CNTNAP2: variants seen among roughly 807,000 people sequenced by gnomAD.
CNTNAP2 encodes contactin-associated protein-like 2.
In CNTNAP2, 98 loss-of-function variants were observed where a neutral mutation model predicts 155.2. The ratio of observed to expected loss-of-function variants is 0.63; its 90% CI spans 0.54 to 0.75. CNTNAP2 has a LOEUF of 0.75. CNTNAP2 is among the 30% of genes least tolerant of loss of function. The pLI is 0.00. For synonymous variants in CNTNAP2, 651 were observed against 631.2 expected (o/e 1.03, Z -0.47); for missense variants, 1,727 against 1,688.1 (o/e 1.02, Z -0.40).
chr7:147,418,714 C>T (rs1210685263), intron 10 of CNTNAP2, among the ~76,000 whole-genome samples: 1 of 152,176 alleles, frequency 6.6e-6, no homozygotes, highest in Non-Finnish European at 1.5e-5. Context: ...ATGGGCTTAT[C>T]CCATGCCATC....
At chr7:148,247,658 TATTTA>T (rs1162975448) in intron 20 of CNTNAP2, among the ~76,000 whole-genome samples, 10 of 147,200 alleles carry the variant, frequency 6.8e-5, no homozygotes, top group South Asian at 2.1e-4. Flanking sequence ...TTTATTTATT[TATTTA>T]TTTTTTTGGA....
chr7:148,246,093 G>A (rs967006626), intron 20 of CNTNAP2, among the ~76,000 whole-genome samples: 1 of 152,176 alleles, frequency 6.6e-6, no homozygotes, highest in African/African-American at 2.4e-5. Flanking sequence ...TCTATGTAAT[G>A]ATCTTCCTGA....
At chr7:147,709,212 C>G (rs1442627508) in intron 13 of CNTNAP2, among the ~76,000 whole-genome samples, 4 of 152,144 alleles carry the variant, frequency 2.6e-5, no homozygotes, top group African/African-American at 9.7e-5. Context: ...ATCAACATCC[C>G]CTACAGGACT....
At chr7:147,212,890 T>C (rs1324190554) in intron 8 of CNTNAP2, among the ~76,000 whole-genome samples, 1 of 152,170 alleles carries the variant, frequency 6.6e-6, no homozygotes, top group Non-Finnish European at 1.5e-5. Context: ...AAATATATTC[T>C]CAAATTCCTG....
intron 13 of CNTNAP2, among the ~76,000 whole-genome samples, chr7:147,783,293 G>A (rs1367982798): frequency 6.6e-6 from 1 of 152,144 alleles, no homozygotes; most frequent in Non-Finnish European, 1.5e-5. Flanking sequence ...TGAGAGTTTA[G>A]TTGCTATTGT....
In CNTNAP2 at chr7:146,538,343, T is replaced by C. The variant is rs112347998; in HGVS notation, c.98-235928T>C. Among the ~76,000 whole-genome samples the C allele has an allele frequency of 5.2e-3, 794 of 152,112 alleles. 7 individuals carry two copies. Among genetic ancestry groups the C allele is most frequent in the African/African-American group, 0.018 (760 of 41,510 alleles). On this transcript the variant is annotated intron_variant, in intron 1 of 23. Transcript: ENST00000361727. Reference sequence around the variant, plus strand: ...TCAAGTTACATAAAGCAGCTGTGGGTCTGGCTCTGCTCACCTGAAGGTCAG... The same window carrying C: ...TCAAGTTACATAAAGCAGCTGTGGGCCTGGCTCTGCTCACCTGAAGGTCAG...
At chr7:147,618,629 CTATAAAATGTATATA>C (rs1801336228) in intron 12 of CNTNAP2, among the ~76,000 whole-genome samples, 2 of 147,788 alleles carry the variant, frequency 1.4e-5, no homozygotes, top group Middle Eastern at 3.6e-3. Context: ...CAGGAAACAG[CTATAAAATGTATATA>C]TATATAATAA....
intron 17 of CNTNAP2, among the ~76,000 whole-genome samples, chr7:148,162,131 T>C (rs888998425): frequency 1.3e-5 from 2 of 151,906 alleles, no homozygotes; most frequent in Admixed American, 1.3e-4. Context: ...AATGTTTAAA[T>C]AGAGACTTTA....
intron 1 of CNTNAP2, among the ~76,000 whole-genome samples, chr7:146,768,745 TGTTGTTTTTA>T (rs1348151735): frequency 2.6e-5 from 4 of 152,136 alleles, no homozygotes; most frequent in Non-Finnish European, 5.9e-5. Context: ...TTGAGTCATT[TGTTGTTTTTA>T]GTTGTTTTCC....
chr7:146,687,322 G>A lies in CNTNAP2; in HGVS notation c.98-86949G>A, dbSNP rs28703086. On this transcript the variant is annotated intron_variant, in intron 1 of 23. Coordinates refer to ENST00000361727, the MANE Select transcript of CNTNAP2 (RefSeq NM_014141.6). ...ATCTTGAGCAACATAATTTCTCTCT[G>A]ACTGAGTTTCCTAATACACAGAAAG... Among the ~76,000 whole-genome samples, 956 of 152,190 alleles carry A rather than the reference G, an allele frequency of 6.3e-3. 9 individuals carry two copies. The highest frequency in any genetic ancestry group is 0.022 in the African/African-American group (914 of 41,532).
intron 2 of CNTNAP2, among the ~76,000 whole-genome samples, chr7:146,785,847 T>C (rs1233983440): frequency 6.6e-6 from 1 of 152,236 alleles, no homozygotes; most frequent in Non-Finnish European, 1.5e-5. Context: ...GCCTTTCTTA[T>C]CTCAAGATAT....
chr7:146,671,750 C>A (rs1190857565), intron 1 of CNTNAP2, among the ~76,000 whole-genome samples: 1 of 151,948 alleles, frequency 6.6e-6, no homozygotes, highest in African/African-American at 2.4e-5. Flanking sequence ...CCATTTTAGT[C>A]AAAATATTTT....
chr7:147,920,632 A>T (rs907558021), intron 14 of CNTNAP2, among the ~76,000 whole-genome samples: 1 of 152,052 alleles, frequency 6.6e-6, no homozygotes, highest in African/African-American at 2.4e-5. Flanking sequence ...CATTCAGCTC[A>T]TGTCTGAGTC....
intron 1 of CNTNAP2, among the ~76,000 whole-genome samples, chr7:146,434,118 A>G (rs1339680547): frequency 6.6e-6 from 1 of 152,126 alleles, no homozygotes; most frequent in Non-Finnish European, 1.5e-5. Context: ...ATGATACATG[A>G]GGATTAGTGA....
chr7:147,425,210 A>C (rs1797358804), intron 10 of CNTNAP2, among the ~76,000 whole-genome samples: 1 of 59,560 alleles, frequency 1.7e-5, no homozygotes, highest in East Asian at 4.2e-4. Flanking sequence ...GTGTTTCTAA[A>C]CGACAAAAAA....
intron 1 of CNTNAP2, among the ~76,000 whole-genome samples, chr7:146,561,477 A>C (rs1308550456): frequency 6.6e-6 from 1 of 152,034 alleles, no homozygotes; most frequent in Non-Finnish European, 1.5e-5. Context: ...CAACATAATG[A>C]GACCCTGTCT....
At chr7:147,570,969 T>C (rs917478396) in intron 12 of CNTNAP2, among the ~76,000 whole-genome samples, 15 of 152,344 alleles carry the variant, frequency 9.8e-5, no homozygotes, top group African/African-American at 3.6e-4. Context: ...ACAGCTCTGA[T>C]TCATTATCTG....
At chr7:147,527,510 C>CT (rs1799349970) in intron 11 of CNTNAP2, among the ~76,000 whole-genome samples, 1 of 152,180 alleles carries the variant, frequency 6.6e-6, no homozygotes, top group African/African-American at 2.4e-5. Flanking sequence ...TGTATACATA[C>CT]TGTATGAAAG....
intron 23 of CNTNAP2, among the ~76,000 whole-genome samples, chr7:148,410,565 C>CAAAAAAAA: frequency 8.9e-6 from 1 of 112,872 alleles, no homozygotes; most frequent in Non-Finnish European, 1.7e-5. Flanking sequence ...AGACCTTTCT[C>CAAAAAAAA]AAAAAAAAAA....
Sources: gnomAD v4.1 joint callset for allele counts (sites outside exome capture counted in the v4.1 genomes callset) on GRCh38, gnomAD v4.1.1 for gene constraint, MANE v1.5 for transcripts, NCBI Gene and HGNC (gene_info 2026-07-23, HGNC 2026-07-21) for gene names.